Variants in ASIC2 observed in about 807,000 individuals in gnomAD.
ASIC2 encodes acid sensing ion channel subunit 2.
ASIC2 carries 25 observed loss-of-function variants against 57.3 expected under a neutral mutation model. The ratio of observed to expected loss-of-function variants is 0.44; its 90% CI spans 0.32 to 0.61. The LOEUF (loss-of-function observed/expected upper bound fraction) is 0.61. Among genes scored for constraint, ASIC2 ranks in the 20% least tolerant of loss-of-function variants. ASIC2 has a pLI of 0.06. For synonymous variants in ASIC2, 319 were observed against 307.5 expected (o/e 1.04, Z -0.39); for missense variants, 641 against 738.1 (o/e 0.87, Z 1.52).
chr17:33,427,303 A>G (rs759089935), intron 1 of ASIC2, among the ~76,000 whole-genome samples: 2 of 152,250 alleles, frequency 1.3e-5, no homozygotes, highest in Non-Finnish European at 2.9e-5. Flanking sequence ...GGGAAAACAA[A>G]GATTTGAACA....
At chr17:33,037,628 A>C (rs1049999580) in intron 3 of ASIC2, among the ~76,000 whole-genome samples, 2 of 152,188 alleles carry the variant, frequency 1.3e-5, no homozygotes. Context: ...CACCATCTTC[A>C]AATATCTGAA....
intron 1 of ASIC2, among the ~76,000 whole-genome samples, chr17:33,615,839 C>T (rs1003661993): frequency 6.6e-6 from 1 of 152,198 alleles, no homozygotes; most frequent in Non-Finnish European, 1.5e-5. Context: ...GGGGGCATAA[C>T]CTTGGCCAAG....
chr17:33,614,361 A>G (rs1905525178), intron 1 of ASIC2, among the ~76,000 whole-genome samples: 1 of 152,164 alleles, frequency 6.6e-6, no homozygotes, highest in Admixed American at 6.5e-5. Flanking sequence ...CTTCTGCCCC[A>G]AATCCCTTAA....
intron 1 of ASIC2, among the ~76,000 whole-genome samples, chr17:33,653,194 G>C (rs1383750078): frequency 6.6e-6 from 1 of 152,208 alleles, no homozygotes; most frequent in Non-Finnish European, 1.5e-5. Flanking sequence ...AGATAGCGGA[G>C]AAGAGCTTGC....
chr17:34,074,472 G>A (rs929271530), intron 1 of ASIC2, among the ~76,000 whole-genome samples: 20 of 152,080 alleles, frequency 1.3e-4, no homozygotes, highest in African/African-American at 4.3e-4. Context: ...CTATGCATAG[G>A]GCTAGGAGGT....
chr17:34,075,370 A>T (rs1390124705), intron 1 of ASIC2, among the ~76,000 whole-genome samples: 1 of 152,200 alleles, frequency 6.6e-6, no homozygotes, highest in Non-Finnish European at 1.5e-5. Flanking sequence ...GTGGCCATGG[A>T]TAAGTCACTG....
At chr17:33,614,259 C>A (rs1400085163) in intron 1 of ASIC2, among the ~76,000 whole-genome samples, 3 of 152,182 alleles carry the variant, frequency 2.0e-5, no homozygotes, top group East Asian at 1.9e-4. Context: ...ATAAATGAAA[C>A]AGAAAACAAT....
At chr17:33,560,700 G>A (rs1916046372) in intron 1 of ASIC2, among the ~76,000 whole-genome samples, 1 of 152,196 alleles carries the variant, frequency 6.6e-6, no homozygotes. Context: ...AGGTTAGCAG[G>A]AGACAGAAAT....
intron 1 of ASIC2, among the ~76,000 whole-genome samples, chr17:33,408,667 T>A (rs1459032493): frequency 1.3e-5 from 2 of 152,224 alleles, no homozygotes; most frequent in Non-Finnish European, 2.9e-5. Context: ...ACTCCCTGGA[T>A]GAAAATTCAT....
intron 1 of ASIC2, among the ~76,000 whole-genome samples, chr17:33,579,540 C>T (rs905537516): frequency 2.0e-5 from 3 of 152,100 alleles, no homozygotes; most frequent in African/African-American, 7.2e-5. Context: ...GGTCTCCCTG[C>T]CTTCAAGAAT....
At chr17:33,415,660 C>T (rs1345810505) in intron 1 of ASIC2, among the ~76,000 whole-genome samples, 2 of 151,854 alleles carry the variant, frequency 1.3e-5, no homozygotes, top group African/African-American at 2.4e-5. Context: ...TGGAGCTAAA[C>T]ACAAGATGGG....
chr17:33,578,377 G>A (rs571444409), intron 1 of ASIC2, among the ~76,000 whole-genome samples: 2 of 152,202 alleles, frequency 1.3e-5, no homozygotes, highest in East Asian at 3.9e-4. Context: ...TATAGGACAC[G>A]TTAAACCAGA....
At chr17:33,807,265 C>T (rs12600651) in intron 1 of ASIC2, among the ~76,000 whole-genome samples, 20,181 of 152,186 alleles carry the variant, frequency 0.13, 1,425 homozygotes, top group East Asian at 0.19. Flanking sequence ...GGGTACTGAG[C>T]AGGTGATAGG....
intron 1 of ASIC2, among the ~76,000 whole-genome samples, chr17:33,350,704 A>AAAGAAAGAAAGAAAGAAAGAAAGAAAG (rs1908134045): frequency 6.6e-6 from 1 of 152,024 alleles, no homozygotes; most frequent in African/African-American, 2.4e-5. Context: ...AGAAAGAAAG[A>AAAGAAAGAAAGAAAGAAAGAAAGAAAG]AAGAAAGAAA....
intron 1 of ASIC2, among the ~76,000 whole-genome samples, chr17:33,602,556 A>G (rs186135701): frequency 4.9e-4 from 75 of 152,324 alleles, no homozygotes; most frequent in Middle Eastern, 3.4e-3. Context: ...TCTGTTCATC[A>G]TAAATTACCC....
intron 1 of ASIC2, among the ~76,000 whole-genome samples, chr17:33,452,738 GGTGTGTGTGT>G (rs35126239): frequency 1.1e-4 from 16 of 140,408 alleles, no homozygotes; most frequent in Admixed American, 3.5e-4. Context: ...AACAGAGTGG[GGTGTGTGTGT>G]GTGTGTGTGT....
intron 1 of ASIC2, among the ~76,000 whole-genome samples, chr17:33,308,135 T>C (rs1189431836): frequency 6.6e-6 from 1 of 152,224 alleles, no homozygotes; most frequent in Non-Finnish European, 1.5e-5. Context: ...ATAACAGAAC[T>C]GATAACAGAT....
intron 1 of ASIC2, among the ~76,000 whole-genome samples, chr17:33,488,927 C>T (rs1228891499): frequency 2.6e-5 from 4 of 152,174 alleles, no homozygotes; most frequent in South Asian, 4.2e-4. Context: ...TGCTGAGTTC[C>T]CCGAGACTCT....
intron 1 of ASIC2, among the ~76,000 whole-genome samples, chr17:33,556,575 C>G (rs1915915229): frequency 6.6e-6 from 1 of 152,154 alleles, no homozygotes. Context: ...AAATTTTAAA[C>G]TTTTGTGAAG....
Sources: gnomAD v4.1 joint callset for allele counts (sites outside exome capture counted in the v4.1 genomes callset) on GRCh38, gnomAD v4.1.1 for gene constraint, MANE v1.5 for transcripts, NCBI Gene and HGNC (gene_info 2026-07-23, HGNC 2026-07-21) for gene names.